Variants in WWOX observed in about 807,000 individuals in gnomAD.
The protein encoded by WWOX is WW domain containing oxidoreductase.
Under a neutral mutation model 46.2 loss-of-function variants are expected in WWOX, and 69 were observed. That is an observed-to-expected ratio of 1.49 (90% CI 1.23 to 1.82). WWOX has a LOEUF of 1.82. Among genes scored for constraint, WWOX ranks in the 40% most tolerant of loss-of-function variants. WWOX has a pLI of 0.00. For synonymous variants in WWOX, 359 were observed against 202.6 expected, an observed-to-expected ratio of 1.77 and a Z score of -6.56; for missense variants, 919 against 542.6, an observed-to-expected ratio of 1.69 and a Z score of -6.89.
At chr16:78,398,174 T>C (rs1424754101) in intron 6 of WWOX, among the ~76,000 whole-genome samples, 1 of 151,982 alleles carries the variant, frequency 6.6e-6, no homozygotes, top group Non-Finnish European at 1.5e-5. Flanking sequence ...AACCCAGCCC[T>C]GACACTGTCC....
intron 5 of WWOX, among the ~76,000 whole-genome samples, chr16:78,379,246 G>C (rs557741820): frequency 4.7e-4 from 71 of 152,320 alleles, no homozygotes; most frequent in African/African-American, 1.7e-3. Flanking sequence ...TTTTCCGTAT[G>C]TGTAAGGGAG....
intron 8 of WWOX, among the ~76,000 whole-genome samples, chr16:78,465,541 G>A (rs1345799464): frequency 6.6e-6 from 1 of 152,146 alleles, no homozygotes; most frequent in East Asian, 1.9e-4. Context: ...AAAATGTTGG[G>A]CAATGTCCCT....
chr16:78,938,628 A>T (rs183352841), intron 8 of WWOX, among the ~76,000 whole-genome samples: 28 of 152,252 alleles, frequency 1.8e-4, no homozygotes, highest in African/African-American at 6.0e-4. Context: ...TTGTTCATTT[A>T]TTCCACAGGG....
At chr16:78,723,959 C>A (rs375976620) in intron 8 of WWOX, among the ~76,000 whole-genome samples, 2 of 152,140 alleles carry the variant, frequency 1.3e-5, no homozygotes, top group South Asian at 4.1e-4. Context: ...TTTCACCATC[C>A]ATCCCCCCAT....
chr16:78,731,487 C>T (rs2048967803), intron 8 of WWOX, among the ~76,000 whole-genome samples: 1 of 152,158 alleles, frequency 6.6e-6, no homozygotes, highest in Non-Finnish European at 1.5e-5. Flanking sequence ...ATATAAGCCT[C>T]TGTTCTTTCT....
intron 5 of WWOX, among the ~76,000 whole-genome samples, chr16:78,178,316 A>T (rs574690971): frequency 6.6e-6 from 1 of 152,220 alleles, no homozygotes; most frequent in South Asian, 2.1e-4. Context: ...ATTCCCGCAA[A>T]AGCTCAGCCA....
At chr16:78,647,252 G>C (rs182902496) in intron 8 of WWOX, among the ~76,000 whole-genome samples, 1 of 152,270 alleles carries the variant, frequency 6.6e-6, no homozygotes, top group East Asian at 1.9e-4. Flanking sequence ...GGGCAGGGCT[G>C]TTTCCCCAAG....
chr16:78,737,228 T>A (rs1039752851), intron 8 of WWOX, among the ~76,000 whole-genome samples: 2 of 151,718 alleles, frequency 1.3e-5, no homozygotes, highest in African/African-American at 4.8e-5. Flanking sequence ...GCCTTCTGAG[T>A]AGCTGGAATT....
chr16:78,321,402 A>G (rs146157439), intron 5 of WWOX, among the ~76,000 whole-genome samples: 1,845 of 125,246 alleles, frequency 0.015, 88 homozygotes, highest in Non-Finnish European at 0.022. Flanking sequence ...ACGTATATAT[A>G]CGTATATATA....
At chr16:79,157,421 C>T (rs62040669) in intron 8 of WWOX, among the ~76,000 whole-genome samples, 1 of 139,856 alleles carries the variant, frequency 7.2e-6, no homozygotes, top group African/African-American at 2.9e-5. Flanking sequence ...TATACAATGG[C>T]CAAAAAAAAA....
intron 8 of WWOX, among the ~76,000 whole-genome samples, chr16:78,698,115 T>C (rs571907733): frequency 1.3e-5 from 2 of 152,222 alleles, no homozygotes; most frequent in Non-Finnish European, 2.9e-5. Flanking sequence ...AACTCTCTCA[T>C]TGGCATCTTG....
At chr16:78,450,770 A>G (rs183538649) in intron 8 of WWOX, among the ~76,000 whole-genome samples, 212 of 152,336 alleles carry the variant, frequency 1.4e-3, no homozygotes, top group Middle Eastern at 6.8e-3. Flanking sequence ...AGAGCAAGTA[A>G]TGAAATTACC....
chr16:78,888,509 G>T (rs2044516347), intron 8 of WWOX, among the ~76,000 whole-genome samples: 1 of 152,154 alleles, frequency 6.6e-6, no homozygotes, highest in African/African-American at 2.4e-5. Context: ...TAGGCAGAAA[G>T]CCTTTCTCAG....
intron 8 of WWOX, among the ~76,000 whole-genome samples, chr16:78,967,951 T>G (rs2046393380): frequency 6.6e-6 from 1 of 152,172 alleles, no homozygotes; most frequent in African/African-American, 2.4e-5. Context: ...CCCAGTTCTG[T>G]GTTTATACTT....
chr16:78,359,572 T>C (rs1371540779), intron 5 of WWOX, among the ~76,000 whole-genome samples: 2 of 152,210 alleles, frequency 1.3e-5, no homozygotes, highest in African/African-American at 4.8e-5. Context: ...TATGAGTTTT[T>C]CAGCATCTTA....
chr16:79,105,556 A>C (rs2049291123), intron 8 of WWOX, among the ~76,000 whole-genome samples: 1 of 152,180 alleles, frequency 6.6e-6, no homozygotes, highest in African/African-American at 2.4e-5. Flanking sequence ...ATGCATATAT[A>C]GCTATTTTTG....
chr16:78,262,574 C>T (rs965537515), intron 5 of WWOX, among the ~76,000 whole-genome samples: 4 of 152,176 alleles, frequency 2.6e-5, no homozygotes, highest in African/African-American at 7.2e-5. Context: ...CCCCTGTCCC[C>T]AGCTTACCAT....
intron 8 of WWOX, among the ~76,000 whole-genome samples, chr16:79,178,670 G>A (rs141556311): frequency 1.7e-4 from 26 of 152,202 alleles, no homozygotes; most frequent in Middle Eastern, 3.4e-3. Flanking sequence ...CGAAGAATCC[G>A]TAGTCCATTT....
At chr16:78,842,413 G>C (rs767398600) in intron 8 of WWOX, among the ~76,000 whole-genome samples, 67 of 152,178 alleles carry the variant, frequency 4.4e-4, no homozygotes, top group Non-Finnish European at 8.2e-4. Flanking sequence ...CAAGATGGGA[G>C]AATTGCTTGA....
Sources: allele counts gnomAD v4.1 joint callset (sites outside exome capture counted in the v4.1 genomes callset), GRCh38; gene constraint gnomAD v4.1.1; transcripts MANE v1.5; gene names NCBI Gene and HGNC (gene_info 2026-07-23, HGNC 2026-07-21).